Variants in GPC6 observed in about 807,000 individuals in gnomAD.
GPC6 encodes glypican-6.
Under a neutral mutation model 55.2 loss-of-function variants are expected in GPC6, and 14 were observed. That is an observed-to-expected ratio of 0.25 (90% CI 0.17 to 0.40). GPC6 has a LOEUF of 0.40. GPC6 is among the 10% of genes least tolerant of loss of function. The pLI, the probability that GPC6 is intolerant of heterozygous loss-of-function variation, is 1.00. For synonymous variants in GPC6, 278 were observed against 259.6 expected (o/e 1.07, Z -0.68); for missense variants, 641 against 708.5 (o/e 0.90, Z 1.08).
intron 1 of GPC6, among the ~76,000 whole-genome samples, chr13:93,331,161 C>T (rs1188800244): frequency 2.6e-5 from 4 of 152,038 alleles, no homozygotes; most frequent in Non-Finnish European, 4.4e-5. Flanking sequence ...AAGAGGTGTA[C>T]TTTGAAGTTC....
chr13:94,327,590 A>G (rs889445141), intron 6 of GPC6, among the ~76,000 whole-genome samples: 1 of 152,206 alleles, frequency 6.6e-6, no homozygotes, highest in African/African-American at 2.4e-5. Flanking sequence ...TGCTCACGAA[A>G]CTGACACTTT....
chr13:93,914,567 T>A (rs1458466179), intron 3 of GPC6, among the ~76,000 whole-genome samples: 1 of 152,224 alleles, frequency 6.6e-6, no homozygotes, highest in East Asian at 1.9e-4. Context: ...CCAAATTTAT[T>A]TGAAATTTTC....
At chr13:94,219,161 A>G (rs979669149) in intron 4 of GPC6, among the ~76,000 whole-genome samples, 1 of 152,296 alleles carries the variant, frequency 6.6e-6, no homozygotes, top group East Asian at 1.9e-4. Context: ...AAAAGAGTCG[A>G]CTGCTTTTCA....
intron 3 of GPC6, among the ~76,000 whole-genome samples, chr13:93,857,380 G>A (rs1290444234): frequency 6.6e-6 from 1 of 151,542 alleles, no homozygotes; most frequent in East Asian, 1.9e-4. Context: ...GATAGCTCAA[G>A]TTTTGTGCAG....
chr13:93,865,156 A>G (rs1888923318), intron 3 of GPC6, among the ~76,000 whole-genome samples: 2 of 151,666 alleles, frequency 1.3e-5, no homozygotes, highest in Admixed American at 1.3e-4. Context: ...TGAGGCCCTT[A>G]GACTAGGCAG....
intron 2 of GPC6, among the ~76,000 whole-genome samples, chr13:93,725,366 A>G (rs926498774): frequency 1.3e-5 from 2 of 152,046 alleles, no homozygotes; most frequent in African/African-American, 2.4e-5. Context: ...TTTATCAAGA[A>G]CCAACATAAT....
At chr13:93,358,281 A>T (rs1880921912) in intron 1 of GPC6, among the ~76,000 whole-genome samples, 1 of 152,142 alleles carries the variant, frequency 6.6e-6, no homozygotes, top group African/African-American at 2.4e-5. Flanking sequence ...GAGATCGAGC[A>T]GTGAGCTATG....
chr13:94,045,808 A>C (rs957835052), intron 4 of GPC6, among the ~76,000 whole-genome samples: 3 of 151,636 alleles, frequency 2.0e-5, no homozygotes, highest in African/African-American at 4.8e-5. Flanking sequence ...ACCCACATCT[A>C]CTCAAGCAAA....
At chr13:93,331,923 A>C (rs1161506024) in intron 1 of GPC6, among the ~76,000 whole-genome samples, 1 of 152,006 alleles carries the variant, frequency 6.6e-6, no homozygotes, top group Non-Finnish European at 1.5e-5. Flanking sequence ...TATGACATCC[A>C]TTTTTATAGC....
chr13:93,485,416 G>A (rs868270759), intron 1 of GPC6, among the ~76,000 whole-genome samples: 9 of 152,184 alleles, frequency 5.9e-5, no homozygotes, highest in East Asian at 3.9e-4. Flanking sequence ...GTCAGGAGTC[G>A]TAGTAAGGGA....
intron 1 of GPC6, among the ~76,000 whole-genome samples, chr13:93,416,655 T>C (rs955617679): frequency 4.6e-5 from 7 of 152,012 alleles, no homozygotes; most frequent in Non-Finnish European, 1.0e-4. Flanking sequence ...TTCGAAACTA[T>C]TTTTTTGGAA....
chr13:94,286,710 G>T (rs1476305989), intron 5 of GPC6, among the ~76,000 whole-genome samples: 2 of 152,228 alleles, frequency 1.3e-5, no homozygotes, highest in East Asian at 1.9e-4. Flanking sequence ...AGAAATTATG[G>T]GCTGCCAAAA....
intron 4 of GPC6, among the ~76,000 whole-genome samples, chr13:94,099,310 A>C (rs1361153459): frequency 6.6e-6 from 1 of 152,154 alleles, no homozygotes; most frequent in Non-Finnish European, 1.5e-5. Context: ...AGAAATAAAG[A>C]GATATAATGT....
At chr13:93,340,255 G>T (rs968379985) in intron 1 of GPC6, among the ~76,000 whole-genome samples, 1 of 151,752 alleles carries the variant, frequency 6.6e-6, no homozygotes, top group Non-Finnish European at 1.5e-5. Context: ...AGGTTGGTCT[G>T]GATCTCCTGA....
intron 4 of GPC6, among the ~76,000 whole-genome samples, chr13:94,139,358 A>G (rs1887293157): frequency 6.6e-6 from 1 of 152,230 alleles, no homozygotes. Context: ...TACAAAGAAC[A>G]TACAGGCATA....
At chr13:93,646,843 G>A (rs1206633765) in intron 2 of GPC6, among the ~76,000 whole-genome samples, 1 of 147,224 alleles carries the variant, frequency 6.8e-6, no homozygotes, top group East Asian at 2.0e-4. Context: ...TTTTGGTTCC[G>A]TGTTATCATG....
intron 2 of GPC6, among the ~76,000 whole-genome samples, chr13:93,634,975 G>A (rs1020503337): frequency 1.3e-5 from 2 of 152,094 alleles, no homozygotes; most frequent in East Asian, 1.9e-4. Context: ...ATAATGAAGC[G>A]TAGAGCTGAA....
At chr13:93,641,092 A>T (rs543189225) in intron 2 of GPC6, among the ~76,000 whole-genome samples, 15 of 152,086 alleles carry the variant, frequency 9.9e-5, no homozygotes, top group African/African-American at 3.6e-4. Context: ...ATCCTTCCAC[A>T]AACCTTATAT....
chr13:93,550,692 T>C (rs570119376), intron 2 of GPC6, among the ~76,000 whole-genome samples: 2 of 152,232 alleles, frequency 1.3e-5, no homozygotes, highest in African/African-American at 4.8e-5. Flanking sequence ...ATGGCCTAAT[T>C]TTCTCAGAGA....
Sources: gnomAD v4.1 joint callset for allele counts (sites outside exome capture counted in the v4.1 genomes callset) on GRCh38, gnomAD v4.1.1 for gene constraint, MANE v1.5 for transcripts, NCBI Gene and HGNC (gene_info 2026-07-23, HGNC 2026-07-21) for gene names.